AEBP2: variants seen among roughly 807,000 people sequenced by gnomAD.
AEBP2 encodes the protein zinc finger protein AEBP2.
In AEBP2, 10 loss-of-function variants were observed where a neutral mutation model predicts 50.8. The ratio of observed to expected loss-of-function variants is 0.20; its 90% CI spans 0.12 to 0.33. The LOEUF (loss-of-function observed/expected upper bound fraction) is 0.33. Ranked by LOEUF, AEBP2 falls within the 10% of genes least tolerant of loss-of-function variation. The pLI, the probability that AEBP2 is intolerant of heterozygous loss-of-function variation, is 1.00. For missense variants in AEBP2, 570 were observed against 688.0 expected, an observed-to-expected ratio of 0.83 and a Z score of 1.92; for synonymous variants, 296 against 261.3, an observed-to-expected ratio of 1.13 and a Z score of -1.28.
At chr12:19,447,835 T>C (rs1349769543) in intron 1 of AEBP2, among the ~76,000 whole-genome samples, 1 of 152,192 alleles carries the variant, frequency 6.6e-6, no homozygotes, top group African/African-American at 2.4e-5. Flanking sequence ...TGATTCTTTT[T>C]CTTAAAAATG....
At chr12:19,412,757 GAGAGCGTT>G (rs982150897) in intron 1 of AEBP2, among the ~76,000 whole-genome samples, 6 of 152,166 alleles carry the variant, frequency 3.9e-5, no homozygotes, top group African/African-American at 1.4e-4. Flanking sequence ...AAGACCCTAA[GAGAGCGTT>G]CTTGGATTTC....
intron 3 of AEBP2, among the ~76,000 whole-genome samples, chr12:19,492,321 C>A (rs970953566): frequency 3.9e-5 from 6 of 151,974 alleles, no homozygotes; most frequent in African/African-American, 1.5e-4. Flanking sequence ...ACACTTATAC[C>A]GCAGTTAATT....
chr12:19,439,979 G>C lies in AEBP2; in HGVS notation c.280G>C (p.Gly94Arg). ...EPSPESASQA[G>R]EDEDEEEDDE... ...GAGCCCCGAGAGCGCCAGCCAGGCC[G>C]GGGAGGACGAAGACGAGGAGGAGGA... Residue 94 changes from glycine to arginine, a missense_variant, in exon 1 of 8, where the codon GGG (glycine) becomes CGG (arginine). Physicochemically the swap from Gly to Arg is moderately radical, Grantham distance 125 (BLOSUM62 -2). Around this residue, in one of 2 missense-constraint regions of AEBP2, gnomAD observed 386 missense variants for 336.8 expected, o/e 1.15. Transcript: ENST00000266508. The C allele has an allele frequency of 1.3e-6, 2 of 1,524,174 alleles. No homozygotes were observed. The highest frequency in any genetic ancestry group is 1.8e-6 in the Non-Finnish European group (2 of 1,141,910). The allele number at this position is 1,524,174 out of a possible 1,614,324, so 94.4% of individuals were successfully genotyped here. A position where few individuals can be genotyped will look rare whatever the true frequency, so the allele number is the denominator to read the frequency against.
chr12:19,477,675 A>G (rs1565722315), intron 3 of AEBP2, among the ~76,000 whole-genome samples: 1 of 152,066 alleles, frequency 6.6e-6, no homozygotes, highest in Non-Finnish European at 1.5e-5. Flanking sequence ...AGGCTGTTGG[A>G]TTCGGTTAGC....
intron 5 of AEBP2, among the ~76,000 whole-genome samples, chr12:19,501,929 T>TA (rs1253604319): frequency 6.8e-6 from 1 of 147,392 alleles, no homozygotes; most frequent in Non-Finnish European, 1.5e-5. Flanking sequence ...AGAACCACAA[T>TA]AAAAATCATA....
chr12:19,419,546 G>A (rs927311398), intron 1 of AEBP2, among the ~76,000 whole-genome samples: 17 of 147,070 alleles, frequency 1.2e-4, no homozygotes, highest in Middle Eastern at 4.1e-3. Flanking sequence ...CTGAGATCGC[G>A]CCACTGCACT....
At chr12:19,418,894 A>ACAGCCTCTGAGC (rs11275314) in intron 1 of AEBP2, 63,916 of 151,322 alleles carry the variant, frequency 0.42, 14,622 homozygotes, top group Non-Finnish European at 0.54. Context: ...AGCCTGGGTG[A>ACAGCCTCTGAGC]CAGCCTCTGA....
chr12:19,422,862 G>A lies in AEBP2; in HGVS notation c.-17+18646G>A, dbSNP rs190540767. On this transcript the variant is annotated intron_variant, in intron 1 of 3. Transcript: ENST00000538425. ...GCAGATCACCTGAGGTCAGGAGTTC[G>A]AGACCAGGCTGGCCAACTTGTTGAG... Among the ~76,000 whole-genome samples, 6 of 151,692 alleles carry A rather than the reference G, an allele frequency of 4.0e-5. 1 individual carries two copies. The highest frequency in any genetic ancestry group is 1.2e-4 in the African/African-American group (5 of 41,412).
chr12:19,510,431 C>T (rs1239885647), intron 5 of AEBP2, among the ~76,000 whole-genome samples: 3 of 152,106 alleles, frequency 2.0e-5, no homozygotes, highest in South Asian at 2.1e-4. Context: ...TGGGCAGACA[C>T]GGCATATGCC....
intron 1 of AEBP2, chr12:19,456,985 G>A: frequency 6.3e-7 from 1 of 1,581,132 alleles, no homozygotes; most frequent in Non-Finnish European, 8.7e-7. Context: ...ATCCTTACAG[G>A]AGGATTTTCG....
intron 1 of AEBP2, among the ~76,000 whole-genome samples, chr12:19,413,874 GT>G (rs368081126): frequency 2.8e-3 from 414 of 147,030 alleles, no homozygotes; most frequent in African/African-American, 9.6e-3. Flanking sequence ...TTTTATCAAG[GT>G]TTTTTTTTTG....
intron 1 of AEBP2, chr12:19,413,223 A>C: frequency 1.2e-6 from 1 of 817,290 alleles, no homozygotes; most frequent in Non-Finnish European, 2.2e-6. Context: ...ATCTTAACCC[A>C]AGTTTTGGAT....
chr12:19,495,197 T>C (rs941742536), intron 4 of AEBP2, among the ~76,000 whole-genome samples: 6 of 152,168 alleles, frequency 3.9e-5, no homozygotes, highest in Middle Eastern at 3.4e-3. Flanking sequence ...GCCACTGTGC[T>C]CGAGCAGCTG....
In AEBP2 at chr12:19,439,537, G is replaced by C; in HGVS notation, c.-163G>C. 2.2e-6 allele frequency: 2 copies of C among 915,408 alleles called. No homozygotes were observed. Among genetic ancestry groups the C allele is most frequent in the East Asian group, 3.2e-5 (1 of 31,568 alleles). The allele number at this position is 915,408 out of a possible 1,614,324, so 56.7% of individuals were successfully genotyped here. On this transcript the variant is annotated 5_prime_UTR_variant, in exon 1 of 8. Transcript: ENST00000266508. ...TAGTCGCGCGCCTGTCCCCGCGCGG[G>C]CTCCGTAGCGCGTGTGCAGGCTGAC...
chr12:19,497,553 A>G, intron 4 of AEBP2, among the ~76,000 whole-genome samples: 1 of 152,006 alleles, frequency 6.6e-6, no homozygotes, highest in East Asian at 1.9e-4. Context: ...GCTCACAGCA[A>G]CCAGTGCCTC....
At chr12:19,411,414 G>A (rs183796830) in intron 1 of AEBP2, among the ~76,000 whole-genome samples, 2 of 152,300 alleles carry the variant, frequency 1.3e-5, no homozygotes, top group East Asian at 3.9e-4. Flanking sequence ...CCTTGCCAGA[G>A]AGCCACACAG....
At chr12:19,487,821 A>G (rs917160187) in intron 3 of AEBP2, among the ~76,000 whole-genome samples, 5 of 152,204 alleles carry the variant, frequency 3.3e-5, no homozygotes, top group Non-Finnish European at 7.3e-5. Flanking sequence ...TATTGTAGCA[A>G]TTTGAAAATA....
At chr12:19,497,469 T>G (rs1949003989) in intron 4 of AEBP2, among the ~76,000 whole-genome samples, 1 of 151,754 alleles carries the variant, frequency 6.6e-6, no homozygotes, top group Non-Finnish European at 1.5e-5. Flanking sequence ...TGCTTTGTTC[T>G]GTTTTTGTTT....
In AEBP2 at chr12:19,522,033, G is replaced by A. The variant is rs985284051; in HGVS notation, c.*3916G>A. 6.6e-6 allele frequency: 1 copy of A among 151,222 alleles called. No homozygotes were observed. Among genetic ancestry groups the A allele is most frequent in the African/African-American group, 2.4e-5 (1 of 41,218 alleles). The allele number at this position is 151,222 out of a possible 1,614,324, so 9.4% of individuals were successfully genotyped here. Reference sequence around the variant, plus strand: ...GTACAGGTCTACAAGGAGATACTTTGTTTCTAAAAAAGGAGTTAAATCGTG... The same window carrying A: ...GTACAGGTCTACAAGGAGATACTTTATTTCTAAAAAAGGAGTTAAATCGTG... On this transcript the variant is annotated 3_prime_UTR_variant, in exon 8 of 8. Transcript: ENST00000266508.
Sources: gnomAD v4.1 joint callset for allele counts (sites outside exome capture counted in the v4.1 genomes callset) on GRCh38, gnomAD v4.1.1 for gene constraint, gnomAD v4.1.1 regional missense constraint, MANE v1.5 for transcripts, NCBI Gene and HGNC (gene_info 2026-07-23, HGNC 2026-07-21) for gene names.